The following TGFA variants were observed in gnomAD, a reference collection of about 807,000 sequenced individuals.
TGFA encodes transforming growth factor alpha.
In TGFA, 12 loss-of-function variants were observed where a neutral mutation model predicts 21.7. The observed-to-expected ratio is 0.55, with a 90% CI of 0.35 to 0.90. The LOEUF (loss-of-function observed/expected upper bound fraction) is 0.90. Ranked by LOEUF, TGFA falls within the 40% of genes least tolerant of loss-of-function variation. The pLI is 0.01. For synonymous variants in TGFA, 79 were observed against 88.1 expected (o/e 0.90, Z 0.58); for missense variants, 178 against 210.8 (o/e 0.84, Z 0.96).
At chr2:70,496,503 A>G (rs1671583528) in intron 2 of TGFA, among the ~76,000 whole-genome samples, 1 of 152,232 alleles carries the variant, frequency 6.6e-6, no homozygotes, top group South Asian at 2.1e-4. Context: ...ATATTGAACC[A>G]TAACCTCAGA....
chr2:70,552,881 G>T (rs1553507002), intron 1 of TGFA, among the ~76,000 whole-genome samples: 1 of 152,228 alleles, frequency 6.6e-6, no homozygotes, highest in Non-Finnish European at 1.5e-5. Context: ...ACACCAGAGA[G>T]ACCCACCAGC....
chr2:70,453,273 G>C lies in TGFA; in HGVS notation c.420C>G (p.His140Gln). ...CCTTCAGGAGGGCGCTGGGCTTCTC[G>C]TGCCGGCAGATGAGGGCCCGGCACC... The part of the protein sequence containing the change: ...CEWCRALICR[H>Q]EKPSALLKGR... The change falls in exon 5 of 6, where the codon CAC becomes CAG. Residue 140 changes from histidine (H) to glutamine (Q), a missense_variant. Coordinates refer to ENST00000295400, the MANE Select transcript of TGFA (RefSeq NM_003236.4). The C allele has an allele frequency of 1.9e-6, 3 of 1,614,058 alleles. No homozygotes were observed. Among genetic ancestry groups the C allele is most frequent in the Non-Finnish European group, 2.5e-6 (3 of 1,179,936 alleles).
intron 1 of TGFA, among the ~76,000 whole-genome samples, chr2:70,525,357 G>A (rs1672601866): frequency 6.6e-6 from 1 of 152,164 alleles, no homozygotes; most frequent in African/African-American, 2.4e-5. Context: ...AGGGGACAAT[G>A]CTGCCCCATT....
intron 2 of TGFA, among the ~76,000 whole-genome samples, chr2:70,494,345 C>T (rs1450503644): frequency 6.6e-6 from 1 of 152,184 alleles, no homozygotes; most frequent in African/African-American, 2.4e-5. Context: ...ATGAGTTGGA[C>T]ATCTTTGGGG....
At chr2:70,487,601 G>A (rs1253029076) in intron 2 of TGFA, among the ~76,000 whole-genome samples, 3 of 152,196 alleles carry the variant, frequency 2.0e-5, no homozygotes, top group Non-Finnish European at 4.4e-5. Flanking sequence ...TCATGTTGGT[G>A]CTCAAAGAGG....
chr2:70,465,835 G>C (rs1670540296), intron 2 of TGFA, 99 bp from the exon 3 acceptor site: 1 of 1,536,850 alleles, frequency 6.5e-7, no homozygotes, highest in Non-Finnish European at 8.8e-7. Flanking sequence ...GCCCCTGATG[G>C]CTGGGACTTT....
At chr2:70,469,625 C>T (rs911280107) in intron 2 of TGFA, among the ~76,000 whole-genome samples, 1 of 152,214 alleles carries the variant, frequency 6.6e-6, no homozygotes, top group Non-Finnish European at 1.5e-5. Flanking sequence ...GTGCGAGCCG[C>T]CACGTCTGGC....
chr2:70,466,170 G>A (rs1159582515), intron 2 of TGFA, among the ~76,000 whole-genome samples: 3 of 152,162 alleles, frequency 2.0e-5, no homozygotes, highest in African/African-American at 7.2e-5. Context: ...AAGAGTTAAT[G>A]ATGCAAAAAG....
intron 2 of TGFA, among the ~76,000 whole-genome samples, chr2:70,486,036 T>C (rs1671262651): frequency 6.6e-6 from 1 of 152,198 alleles, no homozygotes; most frequent in East Asian, 1.9e-4. Flanking sequence ...ACAAAATATA[T>C]ATCTTAATTA....
intron 2 of TGFA, among the ~76,000 whole-genome samples, chr2:70,494,126 G>A (rs1324198670): frequency 6.6e-6 from 1 of 151,962 alleles, no homozygotes; most frequent in Non-Finnish European, 1.5e-5. Context: ...GAATCCTCTG[G>A]CTTGAGGCTG....
chr2:70,543,670 A>G (rs1389415994), intron 1 of TGFA, among the ~76,000 whole-genome samples: 1 of 152,198 alleles, frequency 6.6e-6, no homozygotes, highest in African/African-American at 2.4e-5. Context: ...AAAATATGTA[A>G]TTACCAAAAC....
At chr2:70,549,951 C>G (rs1673435629) in intron 1 of TGFA, among the ~76,000 whole-genome samples, 1 of 152,184 alleles carries the variant, frequency 6.6e-6, no homozygotes, top group African/African-American at 2.4e-5. Flanking sequence ...GTGAACACTC[C>G]CTAATTATGG....
At chr2:70,528,202 T>A (rs375580736) in intron 1 of TGFA, among the ~76,000 whole-genome samples, 1 of 152,400 alleles carries the variant, frequency 6.6e-6, no homozygotes, top group East Asian at 1.9e-4. Flanking sequence ...GTCTTAACTT[T>A]AGTTAATAAT....
At chr2:70,520,500 C>A (rs376983533) in intron 1 of TGFA, among the ~76,000 whole-genome samples, 1 of 150,656 alleles carries the variant, frequency 6.6e-6, no homozygotes, top group Non-Finnish European at 1.5e-5. Context: ...GGTGACAGAG[C>A]GAGACTCCCA....
At chr2:70,516,282 G>A (rs1483678497) in intron 1 of TGFA, among the ~76,000 whole-genome samples, 2 of 152,192 alleles carry the variant, frequency 1.3e-5, no homozygotes, top group Non-Finnish European at 2.9e-5. Context: ...TTACAGGATC[G>A]ATGCAGCCCC....
chr2:70,460,780 G>A (rs564053015), intron 3 of TGFA, among the ~76,000 whole-genome samples: 39 of 152,224 alleles, frequency 2.6e-4, no homozygotes, highest in African/African-American at 8.9e-4. Context: ...TGCCAACAGC[G>A]GCCACAATAG....
intron 2 of TGFA, among the ~76,000 whole-genome samples, chr2:70,489,163 C>A (rs1200184113): frequency 2.6e-5 from 4 of 152,164 alleles, no homozygotes. Flanking sequence ...CCTGTCTGTT[C>A]CTGGGGAGAG....
intron 1 of TGFA, among the ~76,000 whole-genome samples, chr2:70,551,542 T>C (rs1183010126): frequency 6.6e-6 from 1 of 152,196 alleles, no homozygotes; most frequent in Non-Finnish European, 1.5e-5. Context: ...CCTTCAACTA[T>C]TTAAGAAAAA....
At chr2:70,499,724 T>G (rs1671681793) in intron 2 of TGFA, among the ~76,000 whole-genome samples, 1 of 152,218 alleles carries the variant, frequency 6.6e-6, no homozygotes, top group African/African-American at 2.4e-5. Context: ...TTCATCCGTA[T>G]GCAGAGCATT....
Sources: allele counts gnomAD v4.1 joint callset (sites outside exome capture counted in the v4.1 genomes callset), GRCh38; gene constraint gnomAD v4.1.1; transcripts MANE v1.5; gene names NCBI Gene and HGNC (gene_info 2026-07-23, HGNC 2026-07-21).